AARS1: variants seen among roughly 807,000 people sequenced by gnomAD.
The protein encoded by AARS1 is alanine--tRNA ligase, cytoplasmic.
AARS1 carries 72 observed loss-of-function variants against 108.9 expected under a neutral mutation model. That is an observed-to-expected ratio of 0.66 (90% CI 0.55 to 0.80). AARS1 has a LOEUF of 0.80. Ranked by LOEUF, AARS1 falls within the 30% of genes least tolerant of loss-of-function variation. The pLI, the probability that AARS1 is intolerant of heterozygous loss-of-function variation, is 0.00. For missense variants in AARS1, 1,193 were observed against 1,233.2 expected (o/e 0.97, Z 0.49); for synonymous variants, 489 against 465.7 (o/e 1.05, Z -0.64).
At chr16:70,256,470 T>G (rs148304501) in intron 15 of AARS1, among the ~76,000 whole-genome samples, 117 of 152,210 alleles carry the variant, frequency 7.7e-4, no homozygotes, top group Admixed American at 1.4e-3. Context: ...CTCCTAATTT[T>G]TGTATTTTTA....
chr16:70,274,983 G>A, intron 4 of AARS1, among the ~76,000 whole-genome samples: 1 of 152,062 alleles, frequency 6.6e-6, no homozygotes, highest in East Asian at 1.9e-4. Flanking sequence ...TGATTGGCTG[G>A]GCACAGTGGC....
At chr16:70,267,541 A>G in intron 9 of AARS1, 118 bp downstream of exon 9, 1 of 1,305,460 alleles carries the variant, frequency 7.7e-7, no homozygotes, top group South Asian at 1.2e-5. Context: ...AAGCAATTCA[A>G]TCAAGCTATG....
rs375993139 is a variant in AARS1, at chr16:70,265,677, G to A, written c.1223-15C>T. On this transcript the variant is annotated splice_polypyrimidine_tract_variant and intron_variant, in intron 9 of 20. Transcript: ENST00000261772. Reference sequence around the variant, plus strand: ...AGCAGTGTCTCCTACACAGCACAAAGGAGGTGTGTCAAAAAAAACAGACAG... The same window carrying A: ...AGCAGTGTCTCCTACACAGCACAAAAGAGGTGTGTCAAAAAAAACAGACAG... 3.1e-6 allele frequency: 5 copies of A among 1,612,264 alleles called. No homozygotes were observed. The African/African-American group carries it at 6.7e-5, about 22-fold the overall frequency.
intron 7 of AARS1, 58 bp downstream of exon 7, chr16:70,269,560 G>C (rs1291239570): frequency 1.2e-6 from 2 of 1,606,078 alleles, no homozygotes; most frequent in African/African-American, 2.7e-5. Context: ...TTCATAAAGA[G>C]TCACACATAG....
At chr16:70,284,368 C>A (rs1597450020) in intron 1 of AARS1, among the ~76,000 whole-genome samples, 1 of 151,310 alleles carries the variant, frequency 6.6e-6, no homozygotes, top group South Asian at 2.1e-4. Flanking sequence ...TTTGAGAGGC[C>A]GAGGCAGGCG....
chr16:70,271,849 T>A lies in AARS1; in HGVS notation c.603A>T (p.Ala201=), dbSNP rs1436103102. Reference sequence around the variant, plus strand: ...TAGGGTCGTCCTGGTTGACAAGATGTGCGGCGTCCCGACCACCAATCCGGT... The same window carrying A: ...TAGGGTCGTCCTGGTTGACAAGATGAGCGGCGTCCCGACCACCAATCCGGT... The part of the protein sequence containing the change: ...HYDRIGGRDA[A]HLVNQDDPNV... The change falls in exon 5 of 21, where the codon GCA becomes GCT. Residue 201 remains alanine, a synonymous_variant. Transcript: ENST00000261772. 1 of 1,613,980 alleles carries A rather than the reference T, an allele frequency of 6.2e-7. No individual in the cohort carries two copies. Among genetic ancestry groups the A allele is most frequent in the Non-Finnish European group, 8.5e-7 (1 of 1,180,014 alleles).
intron 1 of AARS1, 24 bp from the exon 2 acceptor site, chr16:70,282,808 G>A: frequency 6.2e-7 from 1 of 1,607,710 alleles, no homozygotes; most frequent in Non-Finnish European, 8.5e-7. Flanking sequence ...AAAAAATGAA[G>A]GAAAATTAAG....
chr16:70,266,049 C>A (rs1960255124), intron 9 of AARS1, among the ~76,000 whole-genome samples: 1 of 151,806 alleles, frequency 6.6e-6, no homozygotes, highest in Non-Finnish European at 1.5e-5. Context: ...CGCTGTGGCT[C>A]ACGCCTGTAA....
At chr16:70,283,497 G>A (rs1372350072) in intron 1 of AARS1, among the ~76,000 whole-genome samples, 1 of 152,038 alleles carries the variant, frequency 6.6e-6, no homozygotes, top group Non-Finnish European at 1.5e-5. Context: ...AGGAGACCGG[G>A]GTTTGAGTTC....
Position 70,252,647 on chromosome 16 carries a change from T to A in AARS1, c.*74A>T, listed in dbSNP as rs11537663. 104,740 of 1,549,306 alleles carry A rather than the reference T, an allele frequency of 0.068. 3,929 individuals carry two copies. Among genetic ancestry groups the A allele is most frequent in the Middle Eastern group, 0.079 (358 of 4,552 alleles). ...AGGGGCTCTTTAAAGGTCCCAAGAT[T>A]CAAATGTTCTTGTAGCAGATGAAGA... is the stretch of plus-strand genomic sequence containing the variant. On this transcript the variant is annotated 3_prime_UTR_variant, in exon 21 of 21. Transcript: ENST00000261772.
chr16:70,254,874 G>T (rs1959941786), intron 16 of AARS1, 140 bp from the exon 17 acceptor site: 1 of 673,196 alleles, frequency 1.5e-6, no homozygotes, highest in East Asian at 2.9e-5. Flanking sequence ...GTGGGGAGTA[G>T]GTGCTGGCAG....
At chr16:70,282,993 C>G (rs1960741617) in intron 1 of AARS1, among the ~76,000 whole-genome samples, 1 of 152,184 alleles carries the variant, frequency 6.6e-6, no homozygotes, top group South Asian at 2.1e-4. Flanking sequence ...ATGCCAACCT[C>G]AAGAGGTTCA....
At chr16:70,258,849 C>G (rs1960061594) in intron 14 of AARS1, 131 bp downstream of exon 14, 2 of 1,135,090 alleles carry the variant, frequency 1.8e-6, no homozygotes, top group Non-Finnish European at 2.6e-6. Context: ...GCTACCGTGC[C>G]CAGCCTGCTT....
chr16:70,263,256 T>C (rs1280982378), intron 11 of AARS1, among the ~76,000 whole-genome samples: 2 of 152,022 alleles, frequency 1.3e-5, no homozygotes, highest in African/African-American at 2.4e-5. Flanking sequence ...TTTTGTAGGC[T>C]TGCTTGAATA....
At chr16:70,282,183 G>T (rs1300360664) in intron 2 of AARS1, among the ~76,000 whole-genome samples, 3 of 151,526 alleles carry the variant, frequency 2.0e-5, no homozygotes, top group Admixed American at 6.6e-5. Flanking sequence ...AAAAAAATTT[G>T]CCAGGCATGG....
At chr16:70,258,940 GGT>G (rs1567603271) in intron 14 of AARS1, 38 bp downstream of exon 14, 2 of 1,580,766 alleles carry the variant, frequency 1.3e-6, no homozygotes, top group Non-Finnish European at 8.7e-7. Flanking sequence ...AGACAGTGAC[GGT>G]GTGGGGAGGG....
intron 1 of AARS1, among the ~76,000 whole-genome samples, chr16:70,284,301 G>A (rs559004829): frequency 5.0e-5 from 7 of 138,722 alleles, no homozygotes; most frequent in East Asian, 4.5e-4. Flanking sequence ...GCAAGACTCC[G>A]TCTCAAAAAA....
chr16:70,273,573 C>T lies in AARS1; in HGVS notation c.480-1601G>A, dbSNP rs1184225661. On this transcript the variant is annotated intron_variant, in intron 4 of 20. Coordinates refer to ENST00000261772, the MANE Select transcript of AARS1 (RefSeq NM_001605.3). ...TCCCTACAAAAAATACAAAAATTAGCCAGACAGGGCCGGGCGCAGTGGCTC... is the reference window on the plus strand; with the variant it reads ...TCCCTACAAAAAATACAAAAATTAGTCAGACAGGGCCGGGCGCAGTGGCTC... Among the ~76,000 whole-genome samples, 4 of 151,912 alleles carry T rather than the reference C, an allele frequency of 2.6e-5. No individual in the cohort carries two copies. In the South Asian group the frequency reaches 6.2e-4, roughly 24 times the overall value.
chr16:70,252,443 C>G lies in AARS1; in HGVS notation c.*278G>C. On this transcript the variant is annotated 3_prime_UTR_variant, in exon 21 of 21. Transcript: ENST00000261772. ...AGCAAAAACGATTCCTACTTGCTGA[C>G]GCGGAAAGCTCAGGTCTGGAGAGCC... 1 of 518,200 alleles carries G rather than the reference C, an allele frequency of 1.9e-6. No individual in the cohort carries two copies. Among genetic ancestry groups the G allele is most frequent in the Non-Finnish European group, 3.5e-6 (1 of 286,222 alleles). The allele number at this position is 518,200 out of a possible 1,614,324, so 32.1% of individuals were successfully genotyped here. A position where few individuals can be genotyped will look rare whatever the true frequency, so the allele number is the denominator to read the frequency against.
Sources: gnomAD v4.1 joint callset for allele counts (sites outside exome capture counted in the v4.1 genomes callset) on GRCh38, gnomAD v4.1.1 for gene constraint, MANE v1.5 for transcripts, NCBI Gene and HGNC (gene_info 2026-07-23, HGNC 2026-07-21) for gene names.